COX4I1: variants seen among roughly 807,000 people sequenced by gnomAD.
The protein encoded by COX4I1 is cytochrome c oxidase subunit 4 isoform 1, mitochondrial.
Under a neutral mutation model 21.7 loss-of-function variants are expected in COX4I1, and 18 were observed. The observed-to-expected ratio is 0.83, with a 90% confidence interval of 0.57 to 1.23. COX4I1 has a LOEUF of 1.23. Among genes scored for constraint, COX4I1 ranks in the 50% most tolerant of loss-of-function variants. COX4I1 has a pLI of 0.00. For synonymous variants in COX4I1, 100 were observed against 81.5 expected, an observed-to-expected ratio of 1.23 and a Z score of -1.23; for missense variants, 238 against 220.7, an observed-to-expected ratio of 1.08 and a Z score of -0.50.
At chr16:85,805,229 G>T in intron 3 of COX4I1, 125 bp downstream of exon 3, 1 of 988,004 alleles carries the variant, frequency 1.0e-6, no homozygotes, top group Non-Finnish European at 1.4e-6. Context: ...TGCTCTGCTG[G>T]GTTTCGGGGT....
intron 1 of COX4I1, among the ~76,000 whole-genome samples, chr16:85,800,945 A>T (rs1368359961): frequency 1.3e-5 from 2 of 152,112 alleles, no homozygotes; most frequent in Non-Finnish European, 2.9e-5. Flanking sequence ...TTTTAAAAAG[A>T]CCAATGTTCT....
rs1905727229 is a variant in COX4I1 at position 85,801,230 on chromosome 16, C to G, written c.25C>G (p.Leu9Val). MLATRVFS[L>V]VGKRAISTSV... ...AATGTTGGCTACCAGGGTATTTAGC[C>G]TAGTTGGCAAGCGAGCAATTTCCAC... Residue 9 changes from leucine to valine, a missense_variant, in exon 2 of 5, where the codon CTA becomes GTA. Transcript: ENST00000253452. 6.2e-7 allele frequency: 1 copy of G among 1,609,954 alleles called. No homozygotes were observed. Among genetic ancestry groups the G allele is most frequent in the Non-Finnish European group, 8.5e-7 (1 of 1,176,494 alleles).
chr16:85,806,453 C>G (rs1906208413), intron 4 of COX4I1: 1 of 703,224 alleles, frequency 1.4e-6, no homozygotes, highest in Admixed American at 2.0e-5. Context: ...TTTGATCTTC[C>G]AGGTCACCTT....
Position 85,804,969 on chromosome 16 carries a change from C to T in COX4I1, c.106C>T (p.Pro36Ser), listed in dbSNP as rs1906059540. 6.2e-7 allele frequency: 1 copy of T among 1,611,094 alleles called. No homozygotes were observed. The highest frequency in any genetic ancestry group is 1.7e-5 in the Admixed American group (1 of 58,936). The change falls in exon 3 of 5, where the codon CCA becomes TCA. Residue 36 changes from proline (P) to serine (S), a missense_variant. Transcript: ENST00000253452. ...SVVKSEDFSL[P>S]AYMDRRDHPL... Reference sequence around the variant, plus strand: ...TGTGAAGAGCGAAGACTTTTCGCTCCCAGCTTATATGGATCGGCGTGACCA... The same window carrying T: ...TGTGAAGAGCGAAGACTTTTCGCTCTCAGCTTATATGGATCGGCGTGACCA...
intron 2 of COX4I1, chr16:85,803,942 CAT>C (rs1225050239): frequency 6.6e-5 from 10 of 152,386 alleles, no homozygotes; most frequent in Non-Finnish European, 1.2e-4. Flanking sequence ...TTTTTCCAAA[CAT>C]GTGATTTGCA....
At chr16:85,805,208 C>T in intron 3 of COX4I1, 104 bp downstream of exon 3, 1 of 1,214,434 alleles carries the variant, frequency 8.2e-7, no homozygotes, top group Non-Finnish European at 1.1e-6. Flanking sequence ...GGCAGTCTTG[C>T]ACAGGAGGGT....
chr16:85,802,756 A>G (rs761192588), intron 2 of COX4I1, among the ~76,000 whole-genome samples: 4 of 152,178 alleles, frequency 2.6e-5, no homozygotes, highest in Non-Finnish European at 5.9e-5. Flanking sequence ...TCTAAAAGAA[A>G]TGTTTGGTAT....
At chr16:85,802,719 A>C (rs1476333939) in intron 2 of COX4I1, among the ~76,000 whole-genome samples, 2 of 152,178 alleles carry the variant, frequency 1.3e-5, no homozygotes, top group South Asian at 4.1e-4. Flanking sequence ...CATTCCTTAC[A>C]ATCTGGAGTC....
chr16:85,801,930 T>G (rs192425962), intron 2 of COX4I1, among the ~76,000 whole-genome samples: 144 of 151,864 alleles, frequency 9.5e-4, no homozygotes, highest in Non-Finnish European at 1.2e-3. Context: ...GACGGATGGG[T>G]GAAGACAGTG....
intron 1 of COX4I1, among the ~76,000 whole-genome samples, chr16:85,800,075 C>T (rs1905567656): frequency 6.6e-6 from 1 of 150,986 alleles, no homozygotes; most frequent in African/African-American, 2.5e-5. Flanking sequence ...GTGCCTGCAG[C>T]CTCCGCCCTT....
At chr16:85,801,323 A>C in intron 2 of COX4I1, 45 bp downstream of exon 2, 1 of 1,547,524 alleles carries the variant, frequency 6.5e-7, no homozygotes, top group Non-Finnish European at 8.9e-7. Context: ...AACTAATTTC[A>C]TTTTGCTCCT....
chr16:85,803,537 TC>T (rs1905928291), intron 2 of COX4I1: 1 of 152,206 alleles, frequency 6.6e-6, no homozygotes, highest in Non-Finnish European at 1.5e-5. Flanking sequence ...AGAAACAGCT[TC>T]TAACAGTGGG....
intron 3 of COX4I1, 39 bp downstream of exon 3, chr16:85,805,143 C>T: frequency 6.3e-7 from 1 of 1,582,140 alleles, no homozygotes; most frequent in Admixed American, 1.8e-5. Flanking sequence ...CCCAGCAGCT[C>T]TCGGAAGCGT....
chr16:85,804,895 A>G (rs535020975), intron 2 of COX4I1, 42 bp from the exon 3 acceptor site: 5 of 1,563,696 alleles, frequency 3.2e-6, no homozygotes, highest in East Asian at 2.2e-5. Context: ...GTGACTCTCA[A>G]CTTACATGGA....
At chr16:85,801,315 C>T (rs753295579) in intron 2 of COX4I1, 37 bp downstream of exon 2, 1 of 1,571,432 alleles carries the variant, frequency 6.4e-7, no homozygotes, top group Non-Finnish European at 8.7e-7. Flanking sequence ...ATAGGCTGAA[C>T]TAATTTCATT....
At chr16:85,800,522 C>T (rs1458662757) in intron 1 of COX4I1, among the ~76,000 whole-genome samples, 2 of 152,202 alleles carry the variant, frequency 1.3e-5, no homozygotes, top group African/African-American at 2.4e-5. Context: ...TGTGAGCTGT[C>T]ACCTCCCCCC....
chr16:85,806,595 C>T (rs1048720749), intron 4 of COX4I1, 143 bp from the exon 5 acceptor site: 35 of 1,167,734 alleles, frequency 3.0e-5, no homozygotes, highest in African/African-American at 6.0e-5. Context: ...GGTCAGAAAC[C>T]GTGTGTTTGA....
At position 85,804,953 on chromosome 16, in the gene COX4I1, C is replaced by T. The variant is rs373734689; in HGVS notation, c.90C>T (p.Ser30=). ...GTTTTTCAGAAAGTGTTGTGAAGAGCGAAGACTTTTCGCTCCCAGCTTATA... is the reference window on the plus strand; with the variant it reads ...GTTTTTCAGAAAGTGTTGTGAAGAGTGAAGACTTTTCGCTCCCAGCTTATA... The part of the protein sequence containing the change: ...CVRAHESVVK[S]EDFSLPAYMD... The change falls in exon 3 of 5, where the codon AGC becomes AGT. Residue 30 remains serine (S), a synonymous_variant. Transcript: ENST00000253452. 3.0e-5 allele frequency: 49 copies of T among 1,609,394 alleles called. No individual in the cohort carries two copies. Among genetic ancestry groups the T allele is most frequent in the Middle Eastern group, 1.7e-4 (1 of 6,010 alleles).
intron 3 of COX4I1, 126 bp downstream of exon 3, chr16:85,805,230 GT>G (rs1300779335): frequency 1.0e-6 from 1 of 988,934 alleles, no homozygotes; most frequent in Non-Finnish European, 1.4e-6. Context: ...GCTCTGCTGG[GT>G]TTCGGGGTCA....
Sources: gnomAD v4.1 joint callset for allele counts (sites outside exome capture counted in the v4.1 genomes callset) on GRCh38, gnomAD v4.1.1 for gene constraint, MANE v1.5 for transcripts, NCBI Gene and HGNC (gene_info 2026-07-23, HGNC 2026-07-21) for gene names.